The following ADGRV1 variants were observed in gnomAD, a reference collection of about 807,000 sequenced individuals.
ADGRV1 encodes adhesion G protein-coupled receptor V1.
Under a neutral mutation model 596.2 loss-of-function variants are expected in ADGRV1, and 359 were observed. The observed-to-expected ratio is 0.60, with a 90% CI of 0.55 to 0.66. The LOEUF is 0.66. Ranked by LOEUF, ADGRV1 falls within the 30% of genes least tolerant of loss-of-function variation. ADGRV1 has a pLI of 0.00. For synonymous variants in ADGRV1, 2,681 were observed against 2,679.2 expected (o/e 1.00, Z -0.02); for missense variants, 7,274 against 7,575.6 (o/e 0.96, Z 1.48).
intron 83 of ADGRV1, among the ~76,000 whole-genome samples, chr5:90,925,493 G>C (rs369624979): frequency 5.2e-4 from 79 of 152,236 alleles, no homozygotes; most frequent in Admixed American, 8.5e-4. Context: ...TATCCTGAGA[G>C]TTTGCTGAAG....
chr5:90,890,825 CTTCTT>C (rs1770748183), intron 83 of ADGRV1, among the ~76,000 whole-genome samples: 1 of 152,118 alleles, frequency 6.6e-6, no homozygotes, highest in Non-Finnish European at 1.5e-5. Flanking sequence ...TTATCCTCAT[CTTCTT>C]CAACACTTCG....
chr5:90,718,674 T>C (rs1750480877), intron 43 of ADGRV1, among the ~76,000 whole-genome samples: 2 of 152,000 alleles, frequency 1.3e-5, no homozygotes, highest in South Asian at 4.1e-4. Context: ...TTGTGCAAGA[T>C]CACTTACATT....
At chr5:90,576,567 C>T (rs688912) in intron 1 of ADGRV1, among the ~76,000 whole-genome samples, 129,780 of 152,242 alleles carry the variant, frequency 0.85, 56,075 homozygotes, top group African/African-American at 0.96. Context: ...AGTGCCGCAA[C>T]AAAAATACGT....
intron 10 of ADGRV1, among the ~76,000 whole-genome samples, chr5:90,636,630 TAGG>T (rs917375152): frequency 4.6e-5 from 7 of 152,218 alleles, no homozygotes; most frequent in Non-Finnish European, 8.8e-5. Context: ...GCAGAAAAAC[TAGG>T]AGTTTTCCTT....
At chr5:90,654,230 GA>G (rs1452092525) in intron 20 of ADGRV1, 4 of 409,836 alleles carry the variant, frequency 9.8e-6, no homozygotes, top group Non-Finnish European at 1.8e-5. Context: ...TAGGAAGACA[GA>G]AAAAAATATG....
intron 83 of ADGRV1, among the ~76,000 whole-genome samples, chr5:90,940,967 G>A (rs564374283): frequency 5.1e-4 from 78 of 152,238 alleles, no homozygotes; most frequent in African/African-American, 1.8e-3. Context: ...TGCTACAGCA[G>A]TGCTTTTTGC....
intron 1 of ADGRV1, among the ~76,000 whole-genome samples, chr5:90,610,722 C>G (rs1223821311): frequency 6.6e-6 from 1 of 151,858 alleles, no homozygotes; most frequent in Non-Finnish European, 1.5e-5. Context: ...TGGAGATTGG[C>G]GGATAAATAT....
chr5:90,850,844 A>G (rs1766413571), intron 79 of ADGRV1: 1 of 152,048 alleles, frequency 6.6e-6, no homozygotes, highest in Non-Finnish European at 1.5e-5. Context: ...GTTTTGTTGA[A>G]TGCTGTATTC....
intron 59 of ADGRV1, among the ~76,000 whole-genome samples, chr5:90,769,138 C>G (rs79502041): frequency 6.6e-6 from 1 of 152,096 alleles, no homozygotes; most frequent in Non-Finnish European, 1.5e-5. Context: ...GGTAATAAGT[C>G]CTTTCCAGAA....
intron 34 of ADGRV1, 21 bp from the exon 35 acceptor site, chr5:90,703,644 A>C (rs1748193238): frequency 3.2e-6 from 5 of 1,563,648 alleles, no homozygotes; most frequent in Non-Finnish European, 4.4e-6. Context: ...GTATTTATCA[A>C]TTTACACATT....
At chr5:90,918,234 G>A (rs1218992362) in intron 83 of ADGRV1, among the ~76,000 whole-genome samples, 1 of 152,054 alleles carries the variant, frequency 6.6e-6, no homozygotes, top group Non-Finnish European at 1.5e-5. Flanking sequence ...GACCAGCTCT[G>A]GTTTTAGTGA....
At chr5:90,985,319 C>G (rs776887969) in intron 84 of ADGRV1, 25 bp from the exon 85 acceptor site, 2 of 1,551,828 alleles carry the variant, frequency 1.3e-6, no homozygotes, top group Non-Finnish European at 1.7e-6. Context: ...AGAGCCTGTT[C>G]ATTTTATGTT....
chr5:90,662,274 A>G (rs1770451603), intron 21 of ADGRV1, among the ~76,000 whole-genome samples: 1 of 149,764 alleles, frequency 6.7e-6, no homozygotes, highest in South Asian at 2.1e-4. Context: ...GCTCACTGCA[A>G]GCTCCACCTC....
intron 55 of ADGRV1, 63 bp from the exon 56 acceptor site, chr5:90,756,391 A>G: frequency 9.4e-7 from 1 of 1,059,882 alleles, no homozygotes; most frequent in Non-Finnish European, 1.4e-6. Context: ...AATATCAAGT[A>G]TTCAATGCAA....
At chr5:90,718,141 C>G (rs1485745111) in intron 43 of ADGRV1, 1 of 152,180 alleles carries the variant, frequency 6.6e-6, no homozygotes, top group Non-Finnish European at 1.5e-5. Context: ...AGTAGTAACT[C>G]CCTATTACTC....
At position 90,627,205 on chromosome 5, in the gene ADGRV1, T is replaced by TA. The variant is rs778652242; in HGVS notation, c.673-4dup. ...TGTTTTGCCTCTGTTTATATTCCTT[T>TA]AACAGGTACCAGAAAATGATGAAAT... On this transcript the variant is annotated splice_region_variant and splice_polypyrimidine_tract_variant and intron_variant, in intron 6 of 89. Transcript: ENST00000405460. The TA allele has an allele frequency of 6.7e-7, 1 of 1,492,952 alleles. No homozygotes were observed. Among genetic ancestry groups the TA allele is most frequent in the Non-Finnish European group, 8.9e-7 (1 of 1,118,014 alleles). The allele number at this position is 1,492,952 out of a possible 1,614,324, so 92.5% of individuals were successfully genotyped here. A position where few individuals can be genotyped will look rare whatever the true frequency, so the allele number is the denominator to read the frequency against.
chr5:90,805,453 C>T lies in ADGRV1; in HGVS notation c.14831C>T (p.Thr4944Ile). ...ATTGTTGTTGGCAACATGACCCCAA[C>T]ACTGGGTGAGTTGTAGTTTTTCTAA... Reference protein sequence around the residue: ...EFIVVGNMTPTLGSLSFSHGE... With the variant: ...EFIVVGNMTPILGSLSFSHGE... Residue 4944 changes from threonine to isoleucine, a missense_variant, in exon 72 of 90, where the codon ACA (threonine) becomes ATA (isoleucine). This residue lies in a region of ADGRV1 where 1,874 missense variants were observed against 1,970.2 expected (regional missense o/e 0.95). Coordinates refer to ENST00000405460, the MANE Select transcript of ADGRV1 (RefSeq NM_032119.4). 2 of 1,580,482 alleles carry T rather than the reference C, an allele frequency of 1.3e-6. No individual in the cohort carries two copies. The highest frequency in any genetic ancestry group is 1.7e-6 in the Non-Finnish European group (2 of 1,155,004).
At chr5:90,637,464 C>T (rs1242551031) in intron 10 of ADGRV1, among the ~76,000 whole-genome samples, 1 of 136,154 alleles carries the variant, frequency 7.3e-6, no homozygotes, top group African/African-American at 2.4e-5. Context: ...TAAGGCAAAC[C>T]CAGATTAGAC....
intron 82 of ADGRV1, among the ~76,000 whole-genome samples, chr5:90,861,372 T>A (rs765068159): frequency 6.6e-6 from 1 of 152,034 alleles, no homozygotes; most frequent in Non-Finnish European, 1.5e-5. Context: ...TGCAGTGGTG[T>A]GATCTTGGCT....
Sources: gnomAD v4.1 joint callset for allele counts (sites outside exome capture counted in the v4.1 genomes callset) on GRCh38, gnomAD v4.1.1 for gene constraint, gnomAD v4.1.1 regional missense constraint, MANE v1.5 for transcripts, NCBI Gene and HGNC (gene_info 2026-07-23, HGNC 2026-07-21) for gene names.